Variants in GALM observed in about 807,000 individuals in gnomAD.
GALM encodes the protein galactose mutarotase.
GALM carries 43 observed loss-of-function variants against 37.4 expected under a neutral mutation model. That is an observed-to-expected ratio of 1.15 (90% CI 0.90 to 1.48). GALM has a LOEUF of 1.48. GALM is among the 40% of genes most tolerant of loss of function. The pLI, the probability that GALM is intolerant of heterozygous loss-of-function variation, is 0.00. For missense variants in GALM, 456 were observed against 419.1 expected (o/e 1.09, Z -0.77); for synonymous variants, 199 against 170.6 (o/e 1.17, Z -1.30).
chr2:38,675,537 TTTTTTTTGTGTGTGTGTGTGTG>T (rs1240442044), intron 1 of GALM, among the ~76,000 whole-genome samples: 8 of 90,066 alleles, frequency 8.9e-5, no homozygotes, highest in African/African-American at 4.2e-4. Flanking sequence ...TTTTTTTTTT[TTTTTTTTGTGTGTGTGTGTGTG>T]TGTGTGTGTG....
At chr2:38,687,057 T>C (rs1300518769) in intron 3 of GALM, among the ~76,000 whole-genome samples, 1 of 152,196 alleles carries the variant, frequency 6.6e-6, no homozygotes, top group Non-Finnish European at 1.5e-5. Flanking sequence ...TTGTCTCGAC[T>C]GACCCAAAGC....
chr2:38,733,677 T>C lies in GALM; in HGVS notation c.*112T>C. ...AGAATGATTCTATGGATTAAAATCA[T>C]ACAAATGGTGGCTGTTCTGAGAATC... On this transcript the variant is annotated 3_prime_UTR_variant, in exon 7 of 7. Coordinates refer to ENST00000272252, the MANE Select transcript of GALM (RefSeq NM_138801.3). 1 of 828,332 alleles carries C rather than the reference T, an allele frequency of 1.2e-6. No homozygotes were observed. The highest frequency in any genetic ancestry group is 2.1e-6 in the Non-Finnish European group (1 of 478,522). 51.3% of individuals were successfully genotyped at this position (828,332 alleles called of 1,614,324 possible).
intron 4 of GALM, among the ~76,000 whole-genome samples, chr2:38,717,247 T>C (rs1666286049): frequency 6.8e-6 from 1 of 146,452 alleles, no homozygotes; most frequent in Non-Finnish European, 1.5e-5. Flanking sequence ...CGAAACTCCA[T>C]CTCAAGAAAA....
At chr2:38,723,317 C>T (rs1028551201) in intron 4 of GALM, among the ~76,000 whole-genome samples, 4 of 152,202 alleles carry the variant, frequency 2.6e-5, no homozygotes, top group African/African-American at 9.6e-5. Flanking sequence ...AAAGCTGAAA[C>T]AGCCTGCTAT....
intron 4 of GALM, among the ~76,000 whole-genome samples, chr2:38,693,399 C>T (rs969733025): frequency 8.6e-5 from 13 of 151,172 alleles, no homozygotes; most frequent in African/African-American, 2.7e-4. Context: ...AGGAGAATCG[C>T]TTGAACCCAG....
In GALM at chr2:38,691,779, A is replaced by G. The variant is rs1184840048; in HGVS notation, c.634+1885A>G. Among the ~76,000 whole-genome samples, 4 of 150,472 alleles carry G rather than the reference A, an allele frequency of 2.7e-5. No individual in the cohort carries two copies. In the East Asian group the frequency reaches 7.8e-4, roughly 29 times the overall value. On this transcript the variant is annotated intron_variant, in intron 4 of 6. Coordinates refer to ENST00000272252, the MANE Select transcript of GALM (RefSeq NM_138801.3). ...TACCATTTATAATCACCATCTTTTCATGAAAGAATATTTTAGTACCATAAA... is the reference window on the plus strand; with the variant it reads ...TACCATTTATAATCACCATCTTTTCGTGAAAGAATATTTTAGTACCATAAA...
chr2:38,678,160 G>A (rs1665307004), intron 2 of GALM, among the ~76,000 whole-genome samples: 1 of 151,970 alleles, frequency 6.6e-6, no homozygotes, highest in Non-Finnish European at 1.5e-5. Context: ...GGGATTACAG[G>A]CATTCGCCAC....
chr2:38,726,136 T>C (rs1308307513), intron 4 of GALM, among the ~76,000 whole-genome samples: 1 of 152,174 alleles, frequency 6.6e-6, no homozygotes, highest in Middle Eastern at 3.2e-3. Flanking sequence ...CTGCCAGAAC[T>C]GATCAGGGTT....
At chr2:38,691,525 G>GAA (rs149653443) in intron 4 of GALM, among the ~76,000 whole-genome samples, 1 of 146,532 alleles carries the variant, frequency 6.8e-6, no homozygotes, top group Non-Finnish European at 1.5e-5. Context: ...ACAAAAAATT[G>GAA]AAAAAAAAAA....
At chr2:38,705,312 T>C (rs1020156957) in intron 4 of GALM, among the ~76,000 whole-genome samples, 2 of 152,204 alleles carry the variant, frequency 1.3e-5, no homozygotes, top group African/African-American at 4.8e-5. Context: ...CTCAAGTAAG[T>C]TCCCAGAGCA....
intron 2 of GALM, among the ~76,000 whole-genome samples, chr2:38,677,866 G>C (rs1184621932): frequency 1.3e-5 from 2 of 151,882 alleles, no homozygotes; most frequent in African/African-American, 4.9e-5. Flanking sequence ...AGCCAGAGAA[G>C]ACAGGAACAT....
At chr2:38,683,766 C>T (rs767475493) in intron 3 of GALM, among the ~76,000 whole-genome samples, 2 of 152,262 alleles carry the variant, frequency 1.3e-5, no homozygotes, top group East Asian at 1.9e-4. Context: ...GGGGTTTCAC[C>T]ATGTTGCCCA....
Position 38,667,941 on chromosome 2 carries a change from G to A in GALM, c.190+1590G>A, listed in dbSNP as rs191108063. Among the ~76,000 whole-genome samples, 1,331 of 152,306 alleles carry A rather than the reference G, an allele frequency of 8.7e-3. 9 individuals carry two copies. The highest frequency in any genetic ancestry group is 0.014 in the Non-Finnish European group (952 of 68,028). ...TCCAGAGGGGTCCTGCCCCATACCC[G>A]GAGGAAGAAATGCTGCATGGGGAGG... is the stretch of plus-strand genomic sequence containing the variant. On this transcript the variant is annotated intron_variant, in intron 1 of 6. Transcript: ENST00000272252.
chr2:38,733,375 A>G lies in GALM; in HGVS notation c.952-113A>G, dbSNP rs113889958. Reference sequence around the variant, plus strand: ...TGAACCAATCATAAACAGTTCCCGCACTGGCAGCCATCCACAGAGCACTGG... The same window carrying G: ...TGAACCAATCATAAACAGTTCCCGCGCTGGCAGCCATCCACAGAGCACTGG... On this transcript the variant is annotated intron_variant, in intron 6 of 6. Transcript: ENST00000272252. 6.3e-4 allele frequency: 533 copies of G among 848,408 alleles called. 6 individuals are homozygous for G. In the African/African-American group the frequency reaches 8.2e-3, roughly 13 times the overall value. 52.6% of individuals were successfully genotyped at this position (848,408 alleles called of 1,614,324 possible). A position where few individuals can be genotyped will look rare whatever the true frequency, so the allele number is the denominator to read the frequency against.
intron 4 of GALM, among the ~76,000 whole-genome samples, chr2:38,725,262 T>C (rs1159024037): frequency 1.3e-5 from 2 of 152,172 alleles, no homozygotes; most frequent in African/African-American, 4.8e-5. Flanking sequence ...TTGCTGAGCA[T>C]GGTGGCTCAT....
At chr2:38,677,375 G>A (rs73930824) in intron 2 of GALM, among the ~76,000 whole-genome samples, 11,224 of 152,188 alleles carry the variant, frequency 0.074, 603 homozygotes, top group East Asian at 0.15. Flanking sequence ...AGGCTTCCCC[G>A]CCTCCATGAG....
chr2:38,717,172 C>T (rs1268663233), intron 4 of GALM, among the ~76,000 whole-genome samples: 2 of 151,848 alleles, frequency 1.3e-5, no homozygotes, highest in South Asian at 2.1e-4. Flanking sequence ...ATCGTTTGAA[C>T]CTGGGAGGCC....
intron 3 of GALM, among the ~76,000 whole-genome samples, chr2:38,687,788 G>A: frequency 6.6e-6 from 1 of 152,126 alleles, no homozygotes; most frequent in African/African-American, 2.4e-5. Flanking sequence ...TTTCTGTCGT[G>A]TTTAGACATG....
In GALM at chr2:38,675,964, C is replaced by T; in HGVS notation, c.243C>T (p.Asn81=). Residue 81 remains asparagine, a synonymous_variant, in exon 2 of 7, where the codon AAC becomes AAT. Transcript: ENST00000272252. The stretch of plus-strand genomic sequence containing the variant: ...GAGCAGTTATTGGGAGGGTGGCCAA[C>T]CGAATCGCCAAAGGAACCTTCAAGG... The part of the protein sequence containing the change: ...YFGAVIGRVA[N]RIAKGTFKVD... 6.2e-7 allele frequency: 1 copy of T among 1,614,038 alleles called. No individual in the cohort carries two copies. Among genetic ancestry groups the T allele is most frequent in the South Asian group, 1.1e-5 (1 of 91,082 alleles).
Sources: allele counts gnomAD v4.1 joint callset (sites outside exome capture counted in the v4.1 genomes callset), GRCh38; gene constraint gnomAD v4.1.1; transcripts MANE v1.5; gene names NCBI Gene and HGNC (gene_info 2026-07-23, HGNC 2026-07-21).